Variants in FAM171B observed in about 807,000 individuals in gnomAD.
FAM171B encodes the protein family with sequence similarity 171 member B.
Under a neutral mutation model 75.6 loss-of-function variants are expected in FAM171B, and 19 were observed. That is an observed-to-expected ratio of 0.25 (90% CI 0.18 to 0.37). The LOEUF is 0.37. FAM171B is among the 10% of genes least tolerant of loss of function. The probability of loss-of-function intolerance (pLI) is 1.00; values close to 1 mark genes in which losing one functional copy is unlikely to be tolerated. For missense variants in FAM171B, 848 were observed against 982.4 expected, an observed-to-expected ratio of 0.86 and a Z score of 1.83; for synonymous variants, 367 against 361.7, an observed-to-expected ratio of 1.01 and a Z score of -0.17.
At chr2:186,710,795 G>A (rs535030985) in intron 1 of FAM171B, among the ~76,000 whole-genome samples, 9 of 151,994 alleles carry the variant, frequency 5.9e-5, no homozygotes, top group African/African-American at 2.2e-4. Flanking sequence ...CTGAAACATT[G>A]GAATTGGGTA....
intron 3 of FAM171B, among the ~76,000 whole-genome samples, chr2:186,746,413 C>T (rs551534026): frequency 8.5e-5 from 13 of 152,320 alleles, no homozygotes; most frequent in African/African-American, 3.1e-4. Flanking sequence ...CAGTCCTAAT[C>T]TGGCTTAAGC....
At chr2:186,712,345 G>A (rs1360357485) in intron 1 of FAM171B, among the ~76,000 whole-genome samples, 1 of 152,068 alleles carries the variant, frequency 6.6e-6, no homozygotes, top group Non-Finnish European at 1.5e-5. Context: ...ATGTTTAAAT[G>A]GGACTAATGG....
chr2:186,740,082 C>G (rs1352242780), intron 1 of FAM171B, 146 bp from the exon 2 acceptor site: 4 of 574,602 alleles, frequency 7.0e-6, no homozygotes, highest in Non-Finnish European at 9.0e-6. Flanking sequence ...ATAATGAATT[C>G]TTCATTATTA....
chr2:186,724,562 T>C (rs1188210323), intron 1 of FAM171B, among the ~76,000 whole-genome samples: 1 of 152,194 alleles, frequency 6.6e-6, no homozygotes, highest in Non-Finnish European at 1.5e-5. Flanking sequence ...CAAAGGACAT[T>C]TGATTCCTTT....
chr2:186,749,751 G>C (rs1408125243), intron 4 of FAM171B, among the ~76,000 whole-genome samples: 3 of 152,054 alleles, frequency 2.0e-5, no homozygotes, highest in African/African-American at 7.2e-5. Context: ...CACCTGCCAA[G>C]ATCACTTCTA....
rs748120054 is a variant in FAM171B, at chr2:186,751,280, G to T, written c.871G>T (p.Ala291Ser). ...NDISAGDRIPAWTFDMNTGAW... is the reference protein window; with the variant it reads ...NDISAGDRIPSWTFDMNTGAW... Reference sequence around the variant, plus strand: ...TATAAGTGCAGGGGATCGCATACCTGCTTGGACATTTGATATGAACACAGG... The same window carrying T: ...TATAAGTGCAGGGGATCGCATACCTTCTTGGACATTTGATATGAACACAGG... Residue 291 changes from alanine (A) to serine (S), a missense_variant, in exon 5 of 8, where the codon GCT becomes TCT. Physicochemically the swap from Ala to Ser is moderately conservative, Grantham distance 99. Transcript: ENST00000304698. 29 of 1,596,628 alleles carry T rather than the reference G, an allele frequency of 1.8e-5. No homozygotes were observed. Among genetic ancestry groups the T allele is most frequent in the Non-Finnish European group, 2.3e-5 (27 of 1,169,246 alleles).
Position 186,764,178 on chromosome 2 carries a change from G to A in FAM171B, c.*1355G>A, listed in dbSNP as rs1690665129. 1 of 151,912 alleles carries A rather than the reference G, an allele frequency of 6.6e-6. No individual in the cohort carries two copies. Among genetic ancestry groups the A allele is most frequent in the Admixed American group, 6.6e-5 (1 of 15,224 alleles). 9.4% of individuals were successfully genotyped at this position (151,912 alleles called of 1,614,324 possible). Reference sequence around the variant, plus strand: ...ATGTCTGAAGCACCTTTCCCTTGTGGGGGTAAAAATCCTAAATTGCTTTAT... The same window carrying A: ...ATGTCTGAAGCACCTTTCCCTTGTGAGGGTAAAAATCCTAAATTGCTTTAT... On this transcript the variant is annotated 3_prime_UTR_variant, in exon 8 of 8. Coordinates refer to ENST00000304698, the MANE Select transcript of FAM171B (RefSeq NM_177454.4).
chr2:186,742,737 G>T (rs1347697979), intron 2 of FAM171B, among the ~76,000 whole-genome samples: 1 of 152,140 alleles, frequency 6.6e-6, no homozygotes, highest in African/African-American at 2.4e-5. Context: ...GGAGGATTGA[G>T]AACTCCTCAA....
chr2:186,762,440 A>G lies in FAM171B; in HGVS notation c.2098A>G (p.Ser700Gly). 1 of 1,613,670 alleles carries G rather than the reference A, an allele frequency of 6.2e-7. No individual in the cohort carries two copies. The highest frequency in any genetic ancestry group is 8.5e-7 in the Non-Finnish European group (1 of 1,179,796). Reference protein sequence around the residue: ...IDLKKGKRTQSNDTSLDSGVD... With the variant: ...IDLKKGKRTQGNDTSLDSGVD... Reference sequence around the variant, plus strand: ...CCTGAAAAAGGGCAAGAGAACCCAGAGCAATGACACCAGTCTGGACTCTGG... The same window carrying G: ...CCTGAAAAAGGGCAAGAGAACCCAGGGCAATGACACCAGTCTGGACTCTGG... Residue 700 changes from serine to glycine, a missense_variant, in exon 8 of 8, where the codon AGC becomes GGC. Transcript: ENST00000304698. The surrounding 1 kb of genome is among the most constrained non-coding windows in gnomAD (Gnocchi z 4.0).
At chr2:186,744,416 T>G (rs1574109542) in intron 3 of FAM171B, among the ~76,000 whole-genome samples, 1 of 152,170 alleles carries the variant, frequency 6.6e-6, no homozygotes, top group Non-Finnish European at 1.5e-5. Flanking sequence ...TACTATTATT[T>G]GGGAAAAAAA....
intron 1 of FAM171B, among the ~76,000 whole-genome samples, chr2:186,715,667 T>A (rs964885968): frequency 6.6e-6 from 1 of 152,220 alleles, no homozygotes; most frequent in South Asian, 2.1e-4. Flanking sequence ...TTCCCAACAA[T>A]TTACTATGTA....
At chr2:186,705,582 G>A (rs1297769288) in intron 1 of FAM171B, among the ~76,000 whole-genome samples, 1 of 152,096 alleles carries the variant, frequency 6.6e-6, no homozygotes, top group Non-Finnish European at 1.5e-5. Flanking sequence ...ACCTACCATG[G>A]TTAATTAAGC....
intron 1 of FAM171B, among the ~76,000 whole-genome samples, chr2:186,699,735 G>A (rs578178958): frequency 2.0e-5 from 3 of 152,136 alleles, no homozygotes; most frequent in South Asian, 4.1e-4. Context: ...GTGTTTTTTT[G>A]TGGTAGTTTC....
At position 186,762,400 on chromosome 2, in the gene FAM171B, G is replaced by A; in HGVS notation, c.2058G>A (p.Arg686=). ...ATGGAAAGCCAGTTGCACAAGTGAG[G>A]CACTCCTTTATAGACCTGAAAAAGG... ...SLDGKPVAQV[R]HSFIDLKKGK... is the part of the protein sequence containing the mutation. Residue 686 remains arginine, a synonymous_variant, in exon 8 of 8, where the codon AGG becomes AGA. Coordinates refer to ENST00000304698, the MANE Select transcript of FAM171B (RefSeq NM_177454.4). The surrounding 1 kb of genome is among the most constrained non-coding windows in gnomAD (Gnocchi z 4.0). 1 of 1,613,578 alleles carries A rather than the reference G, an allele frequency of 6.2e-7. No homozygotes were observed. Among genetic ancestry groups the A allele is most frequent in the Non-Finnish European group, 8.5e-7 (1 of 1,179,736 alleles).
chr2:186,736,538 CTG>C lies in FAM171B; in HGVS notation c.239-3663_239-3662del, dbSNP rs10660120. On this transcript the variant is annotated intron_variant, in intron 1 of 7. Transcript: ENST00000304698. ...GAGGTATACTGAAATATGTTTGTGG[CTG>C]TGTGTGTGTGTGTGTGTGTGTGTGT... Among the ~76,000 whole-genome samples, 1,081 of 122,898 alleles carry C rather than the reference CTG, an allele frequency of 8.8e-3. 15 individuals carry two copies. Among genetic ancestry groups the C allele is most frequent in the African/African-American group, 0.028 (921 of 32,902 alleles). The allele number at this position is 122,898 out of a possible 152,430, so 80.6% of individuals were successfully genotyped here.
At chr2:186,695,587 G>T (rs1336537647) in intron 1 of FAM171B, among the ~76,000 whole-genome samples, 1 of 152,158 alleles carries the variant, frequency 6.6e-6, no homozygotes, top group African/African-American at 2.4e-5. Context: ...TGCCAGCTGC[G>T]ATTCATGACA....
intron 1 of FAM171B, among the ~76,000 whole-genome samples, chr2:186,715,648 G>C (rs1559083231): frequency 2.0e-5 from 3 of 152,106 alleles, no homozygotes; most frequent in Admixed American, 1.3e-4. Flanking sequence ...CAATTATAAA[G>C]GGACTGATTT....
intron 1 of FAM171B, among the ~76,000 whole-genome samples, chr2:186,738,299 C>T (rs1485139930): frequency 6.6e-6 from 1 of 151,834 alleles, no homozygotes; most frequent in East Asian, 1.9e-4. Context: ...TTGTCCCATG[C>T]CCAAGAAGAA....
At chr2:186,741,216 A>T (rs1690284340) in intron 2 of FAM171B, among the ~76,000 whole-genome samples, 1 of 152,108 alleles carries the variant, frequency 6.6e-6, no homozygotes, top group South Asian at 2.1e-4. Context: ...AATTAATTGG[A>T]TCCATATGTG....
Sources: gnomAD v4.1 joint callset for allele counts (sites outside exome capture counted in the v4.1 genomes callset) on GRCh38, gnomAD v4.1.1 for gene constraint, Gnocchi (gnomAD v3.1) non-coding constraint, MANE v1.5 for transcripts, NCBI Gene and HGNC (gene_info 2026-07-23, HGNC 2026-07-21) for gene names.